The following ZBTB46 variants were observed in gnomAD, a reference collection of about 807,000 sequenced individuals.
ZBTB46 encodes zinc finger and BTB domain-containing protein 46.
In ZBTB46, 8 loss-of-function variants were observed where a neutral mutation model predicts 44.1. The observed-to-expected ratio is 0.18, with a 90% CI of 0.11 to 0.33. The LOEUF (loss-of-function observed/expected upper bound fraction) is 0.33, where lower values mean the gene tolerates loss of function less well. ZBTB46 is among the 10% of genes least tolerant of loss of function. ZBTB46 has a pLI of 1.00. For missense variants in ZBTB46, 651 were observed against 847.7 expected, an observed-to-expected ratio of 0.77 and a Z score of 2.88; for synonymous variants, 409 against 382.3, an observed-to-expected ratio of 1.07 and a Z score of -0.81.
At chr20:63,766,468 G>A (rs2092321269) in intron 3 of ZBTB46, among the ~76,000 whole-genome samples, 1 of 151,232 alleles carries the variant, frequency 6.6e-6, no homozygotes, top group Non-Finnish European at 1.5e-5. Flanking sequence ...CGCCCACCTT[G>A]GCCTCCCAAA....
At chr20:63,796,597 G>A (rs1222641493) in intron 1 of ZBTB46, among the ~76,000 whole-genome samples, 3 of 152,118 alleles carry the variant, frequency 2.0e-5, no homozygotes, top group African/African-American at 4.8e-5. Context: ...AGGCCGAGGC[G>A]GGCGGATCAC....
intron 1 of ZBTB46, among the ~76,000 whole-genome samples, chr20:63,823,857 C>CG (rs1555859076): frequency 1.4e-4 from 10 of 72,230 alleles, no homozygotes; most frequent in East Asian, 9.9e-4. Context: ...CTCTAGGAAC[C>CG]TTGTGTGTGT....
rs1030343326 is a variant in ZBTB46, at chr20:63,746,872, C to T, written c.*58G>A. On this transcript the variant is annotated 3_prime_UTR_variant, in exon 5 of 5. Coordinates refer to ENST00000245663, the MANE Select transcript of ZBTB46 (RefSeq NM_001369741.1). ...CCCTGGCCCCGCAGTGGAGACCCAC[C>T]GGACACACACACGGGTGGACGGAGC... The T allele has an allele frequency of 6.3e-5, 91 of 1,443,738 alleles. No individual in the cohort carries two copies. Among genetic ancestry groups the T allele is most frequent in the Middle Eastern group, 2.3e-4 (1 of 4,360 alleles). The allele number at this position is 1,443,738 out of a possible 1,614,324, so 89.4% of individuals were successfully genotyped here.
intron 3 of ZBTB46, among the ~76,000 whole-genome samples, chr20:63,762,689 CAACT>C (rs2145807779): frequency 1.8e-5 from 1 of 56,924 alleles, no homozygotes; most frequent in East Asian, 2.4e-4. Flanking sequence ...AAAAAAAAAC[CAACT>C]GAGCTGTTAG....
chr20:63,756,910 C>G (rs747010760), intron 3 of ZBTB46, among the ~76,000 whole-genome samples: 6 of 152,212 alleles, frequency 3.9e-5, no homozygotes, highest in African/African-American at 1.4e-4. Flanking sequence ...CCAGTTTGGG[C>G]CTATTGAACA....
chr20:63,808,471 G>C (rs1031288611), intron 1 of ZBTB46, among the ~76,000 whole-genome samples: 2 of 152,142 alleles, frequency 1.3e-5, no homozygotes, highest in African/African-American at 4.8e-5. Context: ...TCTCAGCCCC[G>C]GGCCCGGCGG....
intron 1 of ZBTB46, among the ~76,000 whole-genome samples, chr20:63,806,362 A>G (rs1387554959): frequency 1.3e-5 from 2 of 149,792 alleles, no homozygotes; most frequent in African/African-American, 4.9e-5. Context: ...AGCCGAGAAC[A>G]TATCACTGCA....
At chr20:63,771,408 C>A (rs1313756193) in intron 3 of ZBTB46, among the ~76,000 whole-genome samples, 2 of 152,140 alleles carry the variant, frequency 1.3e-5, no homozygotes, top group African/African-American at 2.4e-5. Flanking sequence ...GAGAGGGGGG[C>A]CACGCGGTCC....
At chr20:63,810,102 TACA>T (rs2092709359) in intron 1 of ZBTB46, among the ~76,000 whole-genome samples, 1 of 152,216 alleles carries the variant, frequency 6.6e-6, no homozygotes, top group African/African-American at 2.4e-5. Flanking sequence ...GGATGAGGCC[TACA>T]GATGCCTCTG....
chr20:63,744,289 T>A lies in ZBTB46; in HGVS notation c.*2641A>T, dbSNP rs893233714. ...GAAGCAGTAAGCTGCGTCTTCTGAG[T>A]CAGTTCCCTACGTAGCCCTGGCAGT... On this transcript the variant is annotated 3_prime_UTR_variant, in exon 5 of 5. Coordinates refer to ENST00000245663, the MANE Select transcript of ZBTB46 (RefSeq NM_001369741.1). 1.3e-5 allele frequency: 2 copies of A among 152,118 alleles called. No homozygotes were observed. The highest frequency in any genetic ancestry group is 2.9e-5 in the Non-Finnish European group (2 of 68,014). The allele number at this position is 152,118 out of a possible 1,614,324, so 9.4% of individuals were successfully genotyped here.
chr20:63,776,082 A>G, intron 2 of ZBTB46, 120 bp from the exon 3 acceptor site: 3 of 1,274,970 alleles, frequency 2.4e-6, no homozygotes, highest in Admixed American at 6.4e-5. Flanking sequence ...AGCAGCATCA[A>G]GTCCAGCCCA....
chr20:63,820,921 T>C (rs1201568536), intron 1 of ZBTB46, among the ~76,000 whole-genome samples: 3 of 151,014 alleles, frequency 2.0e-5, no homozygotes, highest in Non-Finnish European at 4.4e-5. Flanking sequence ...AGATGGAGTT[T>C]CGCTCTTGTT....
At chr20:63,827,293 A>T (rs2092824447) in intron 1 of ZBTB46, among the ~76,000 whole-genome samples, 1 of 152,194 alleles carries the variant, frequency 6.6e-6, no homozygotes, top group Admixed American at 6.5e-5. Flanking sequence ...CTCCGGTAAG[A>T]CGCAAAAGCC....
At chr20:63,820,363 T>C (rs2092784579) in intron 1 of ZBTB46, among the ~76,000 whole-genome samples, 1 of 151,482 alleles carries the variant, frequency 6.6e-6, no homozygotes, top group South Asian at 2.1e-4. Context: ...CCTCCCAAAG[T>C]GCTGGGATTA....
intron 4 of ZBTB46, among the ~76,000 whole-genome samples, chr20:63,748,918 G>A (rs1395774585): frequency 6.6e-6 from 1 of 152,234 alleles, no homozygotes; most frequent in Non-Finnish European, 1.5e-5. Flanking sequence ...AAAGACCTCT[G>A]ACGGGCAGGC....
intron 1 of ZBTB46, among the ~76,000 whole-genome samples, chr20:63,812,633 G>T (rs1272295405): frequency 6.6e-6 from 1 of 152,152 alleles, no homozygotes; most frequent in Non-Finnish European, 1.5e-5. Flanking sequence ...CAAAAAATTA[G>T]CTGGGTGTGG....
intron 1 of ZBTB46, among the ~76,000 whole-genome samples, chr20:63,830,540 G>A (rs2092843870): frequency 6.7e-6 from 1 of 150,358 alleles, no homozygotes; most frequent in South Asian, 2.1e-4. Flanking sequence ...AGGGCGCCGG[G>A]ACCCGCCCGC....
chr20:63,761,302 T>C (rs1601409553), intron 3 of ZBTB46, among the ~76,000 whole-genome samples: 1 of 151,770 alleles, frequency 6.6e-6, no homozygotes, highest in East Asian at 2.0e-4. Flanking sequence ...CTCACCCTGA[T>C]ATCTATTCTT....
intron 1 of ZBTB46, among the ~76,000 whole-genome samples, chr20:63,826,697 C>G (rs1009436026): frequency 6.6e-6 from 1 of 152,224 alleles, no homozygotes; most frequent in African/African-American, 2.4e-5. Context: ...TGCACTCCAG[C>G]CTGCGCGACA....
Sources: allele counts gnomAD v4.1 joint callset (sites outside exome capture counted in the v4.1 genomes callset), GRCh38; gene constraint gnomAD v4.1.1; transcripts MANE v1.5; gene names NCBI Gene and HGNC (gene_info 2026-07-23, HGNC 2026-07-21).